Variants in FKBP8 observed in about 807,000 individuals in gnomAD.
FKBP8 encodes the protein FKBP prolyl isomerase 8.
Under a neutral mutation model 41.7 loss-of-function variants are expected in FKBP8, and 5 were observed. The observed-to-expected ratio is 0.12, with a 90% confidence interval of 0.06 to 0.25. The LOEUF (loss-of-function observed/expected upper bound fraction) is 0.25, where lower values mean the gene tolerates loss of function less well. Ranked by LOEUF, FKBP8 falls within the 10% of genes least tolerant of loss-of-function variation. FKBP8 has a pLI of 1.00. For missense variants in FKBP8, 397 were observed against 563.0 expected (o/e 0.71, Z 2.98); for synonymous variants, 279 against 254.5 (o/e 1.10, Z -0.92).
At chr19:18,539,330 C>G (rs1300764398) in intron 4 of FKBP8, 41 bp downstream of exon 4, 8 of 1,556,278 alleles carry the variant, frequency 5.1e-6, no homozygotes, top group Non-Finnish European at 7.0e-6. Context: ...ACCCATCCCC[C>G]TCCTGAGACC....
chr19:18,543,258 A>C (rs1377127624), intron 1 of FKBP8: 33 of 79,346 alleles, frequency 4.2e-4, no homozygotes, highest in Non-Finnish European at 4.5e-4. Context: ...CTCCATCGGG[A>C]CCCCCCCACT....
At chr19:18,540,032 C>T (rs920998351) in intron 2 of FKBP8, among the ~76,000 whole-genome samples, 2 of 151,730 alleles carry the variant, frequency 1.3e-5, no homozygotes, top group African/African-American at 2.4e-5. Context: ...TGAGACTTGC[C>T]GAGTTTCCAT....
In FKBP8 at chr19:18,538,498, C is replaced by A; in HGVS notation, c.552-62G>T. ...CCTGGTGACCCCTAAACCCGCTGGG[C>A]TGGCTAGGAAGGAGTGAGCTTGGCT... On this transcript the variant is annotated intron_variant, in intron 4 of 8. Coordinates refer to ENST00000608443, the MANE Select transcript of FKBP8 (RefSeq NM_012181.5). The surrounding 1 kb of genome is among the most constrained non-coding windows in gnomAD (Gnocchi z 4.0). 1.4e-6 allele frequency: 2 copies of A among 1,437,022 alleles called. No individual in the cohort carries two copies. Among genetic ancestry groups the A allele is most frequent in the African/African-American group, 1.4e-5 (1 of 71,672 alleles). The allele number at this position is 1,437,022 out of a possible 1,614,324, so 89.0% of individuals were successfully genotyped here. A position where few individuals can be genotyped will look rare whatever the true frequency, so the allele number is the denominator to read the frequency against.
intron 6 of FKBP8, among the ~76,000 whole-genome samples, chr19:18,533,803 A>G (rs1976504995): frequency 6.6e-6 from 1 of 151,868 alleles, no homozygotes. Context: ...TCAGGAGATC[A>G]AGACCATCCT....
At position 18,537,543 on chromosome 19, in the gene FKBP8, G is replaced by A. The variant is rs1976606589; in HGVS notation, c.945+58C>T. ...ATGCCTTTCTCAAATGCAGGGTTGG[G>A]GACCACCCCGTATACCCCAGGCTGA... On this transcript the variant is annotated intron_variant, in intron 6 of 8. Coordinates refer to ENST00000608443, the MANE Select transcript of FKBP8 (RefSeq NM_012181.5). This position sits in a 1 kb window ranked among gnomAD's most constrained non-coding sequence, Gnocchi z 4.4. 3 of 1,487,426 alleles carry A rather than the reference G, an allele frequency of 2.0e-6. No homozygotes were observed. In the African/African-American group the frequency reaches 4.2e-5, roughly 21 times the overall value. 92.1% of individuals were successfully genotyped at this position (1,487,426 alleles called of 1,614,324 possible).
In FKBP8 at chr19:18,532,273, G is replaced by A. The variant is rs1175084380; in HGVS notation, c.1156-18C>T. On this transcript the variant is annotated intron_variant, in intron 8 of 8. Transcript: ENST00000608443. ...GGGATGGACTGTGGATAAAAAGGAG[G>A]GGAGAGAAGGGTGGAGGGAGGTCAA... The A allele has an allele frequency of 3.8e-6, 6 of 1,587,800 alleles. No homozygotes were observed. The highest frequency in any genetic ancestry group is 5.1e-6 in the Non-Finnish European group (6 of 1,167,524).
At chr19:18,533,813 T>C (rs1025420787) in intron 6 of FKBP8, among the ~76,000 whole-genome samples, 1 of 151,406 alleles carries the variant, frequency 6.6e-6, no homozygotes, top group African/African-American at 2.4e-5. Flanking sequence ...AAGACCATCC[T>C]GGCTAAGACG....
chr19:18,537,926 G>T lies in FKBP8; in HGVS notation c.773-153C>A. On this transcript the variant is annotated intron_variant, in intron 5 of 8. Coordinates refer to ENST00000608443, the MANE Select transcript of FKBP8 (RefSeq NM_012181.5). This position sits in a 1 kb window ranked among gnomAD's most constrained non-coding sequence, Gnocchi z 4.4. Reference sequence around the variant, plus strand: ...GCTTTCCTGGGGCTCTCCTGAGGAAGCTACAAGATGGAGACTTAAGCAAGC... The same window carrying T: ...GCTTTCCTGGGGCTCTCCTGAGGAATCTACAAGATGGAGACTTAAGCAAGC... 2.4e-6 allele frequency: 2 copies of T among 830,170 alleles called. No homozygotes were observed. The highest frequency in any genetic ancestry group is 1.8e-6 in the Non-Finnish European group (1 of 542,954). 51.4% of individuals were successfully genotyped at this position (830,170 alleles called of 1,614,324 possible). A position where few individuals can be genotyped will look rare whatever the true frequency, so the allele number is the denominator to read the frequency against.
In FKBP8 at chr19:18,541,703, G is replaced by C. The variant is rs1312164985; in HGVS notation, c.268C>G (p.Pro90Ala). 2 of 1,611,288 alleles carry C rather than the reference G, an allele frequency of 1.2e-6. No homozygotes were observed. Among genetic ancestry groups the C allele is most frequent in the Non-Finnish European group, 8.5e-7 (1 of 1,178,132 alleles). Residue 90 changes from proline to alanine, a missense_variant, in exon 2 of 9, where the codon CCA becomes GCA. Physicochemically the swap from Pro to Ala is conservative, Grantham distance 27. This residue lies in a region of FKBP8 where 172 missense variants were observed against 196.2 expected (regional missense o/e 0.88). Transcript: ENST00000608443. ...CCCAGAATGTCCAGCCACTCTTCTG[G>C]GGCCGGGGCTGGGGCGGGCTCGGGC... ...MEPEPAPAPA[P>A]EEWLDILGNG...
In FKBP8 at chr19:18,537,750, C is replaced by T; in HGVS notation, c.796G>A (p.Ala266Thr). Residue 266 changes from alanine (A) to threonine (T), a missense_variant, in exon 6 of 9, where the codon GCA becomes ACA. This residue lies in a region of FKBP8 where 225 missense variants were observed against 366.8 expected (regional missense o/e 0.61). Transcript: ENST00000608443. The surrounding 1 kb of genome is among the most constrained non-coding windows in gnomAD (Gnocchi z 4.4). ...TTCACCTTCAACTGCAGGAGCTGTG[C>T]CTCCTCCTCGAACGTCATGTCCACT... Reference protein sequence around the residue: ...AKVDMTFEEEAQLLQLKVKCL... With the variant: ...AKVDMTFEEETQLLQLKVKCL... 7.4e-6 allele frequency: 12 copies of T among 1,612,932 alleles called. No homozygotes were observed. Among genetic ancestry groups the T allele is most frequent in the Non-Finnish European group, 1.0e-5 (12 of 1,179,436 alleles).
At chr19:18,534,589 T>A (rs1976528176) in intron 6 of FKBP8, among the ~76,000 whole-genome samples, 1 of 151,658 alleles carries the variant, frequency 6.6e-6, no homozygotes, top group Non-Finnish European at 1.5e-5. Context: ...TTTTTTTTTC[T>A]CTTTCCTTTA....
chr19:18,542,866 G>A, intron 1 of FKBP8: 1 of 1,271,556 alleles, frequency 7.9e-7, no homozygotes, highest in Non-Finnish European at 1.0e-6. Context: ...CCAGCCCGCC[G>A]CATCCCCTCC....
Position 18,532,003 on chromosome 19 carries a change from G to A in FKBP8, c.*166C>T. The stretch of plus-strand genomic sequence containing the variant: ...TCCCTCTGGGCTTTCCTCCTAGAGG[G>A]CCTCAGTCCCTCCTGCTGGCTGGGC... On this transcript the variant is annotated 3_prime_UTR_variant, in exon 9 of 9. Transcript: ENST00000608443. 1 of 636,416 alleles carries A rather than the reference G, an allele frequency of 1.6e-6. No homozygotes were observed. The highest frequency in any genetic ancestry group is 2.8e-5 in the East Asian group (1 of 36,228). 39.4% of individuals were successfully genotyped at this position (636,416 alleles called of 1,614,324 possible).
rs534013287 is a variant in FKBP8, at chr19:18,534,285, C to A, written c.946-938G>T. ...TCACGCCACTGCAGTCCAGCCTGGGCGACAGAGCGAGACTCCGTCTCAAAA... is the reference window on the plus strand; with the variant it reads ...TCACGCCACTGCAGTCCAGCCTGGGAGACAGAGCGAGACTCCGTCTCAAAA... On this transcript the variant is annotated intron_variant, in intron 6 of 8. Coordinates refer to ENST00000608443, the MANE Select transcript of FKBP8 (RefSeq NM_012181.5). Among the ~76,000 whole-genome samples the A allele has an allele frequency of 3.3e-5, 5 of 152,180 alleles. No individual in the cohort carries two copies. In the East Asian group the frequency reaches 7.7e-4, roughly 24 times the overall value.
intron 6 of FKBP8, among the ~76,000 whole-genome samples, chr19:18,536,638 A>G (rs1976585376): frequency 6.6e-6 from 1 of 152,190 alleles, no homozygotes; most frequent in Non-Finnish European, 1.5e-5. Flanking sequence ...CTGGGATTAC[A>G]GGAATGAGCC....
intron 6 of FKBP8, among the ~76,000 whole-genome samples, chr19:18,533,642 T>C (rs1441098432): frequency 6.7e-6 from 1 of 148,456 alleles, no homozygotes; most frequent in Non-Finnish European, 1.5e-5. Context: ...GGGCAGAAGT[T>C]GCAGTGAGCC....
intron 1 of FKBP8, chr19:18,542,643 A>G (rs546306090): frequency 5.0e-4 from 133 of 266,282 alleles, no homozygotes; most frequent in African/African-American, 2.9e-3. Flanking sequence ...CACAACCCCA[A>G]CATCAGGGAC....
chr19:18,533,917 G>C (rs914472515), intron 6 of FKBP8, among the ~76,000 whole-genome samples: 7 of 150,340 alleles, frequency 4.7e-5, no homozygotes, highest in African/African-American at 1.2e-4. Flanking sequence ...GCTGAGGCAG[G>C]AGAATGGCGT....
chr19:18,534,008 C>CA (rs759049367), intron 6 of FKBP8, among the ~76,000 whole-genome samples: 1,293 of 34,302 alleles, frequency 0.038, 32 homozygotes, highest in African/African-American at 0.11. Flanking sequence ...GACTCCATCT[C>CA]AAAAAAAAAA....
Sources: gnomAD v4.1 joint callset for allele counts (sites outside exome capture counted in the v4.1 genomes callset) on GRCh38, gnomAD v4.1.1 for gene constraint, gnomAD v4.1.1 regional missense constraint, Gnocchi (gnomAD v3.1) non-coding constraint, MANE v1.5 for transcripts, NCBI Gene and HGNC (gene_info 2026-07-23, HGNC 2026-07-21) for gene names.